The following TP53BP1 variants were observed in gnomAD, a reference collection of about 807,000 sequenced individuals.
The protein encoded by TP53BP1 is tumor protein p53 binding protein 1.
A neutral mutation model predicts 200.8 loss-of-function variants in TP53BP1; 61 were observed. The observed-to-expected ratio is 0.30, with a 90% CI of 0.25 to 0.38. The LOEUF (loss-of-function observed/expected upper bound fraction) is 0.38. TP53BP1 is among the 10% of genes least tolerant of loss of function. The pLI, the probability that TP53BP1 is intolerant of heterozygous loss-of-function variation, is 1.00. For missense variants in TP53BP1, 2,144 were observed against 2,371.9 expected (o/e 0.90, Z 2.00); for synonymous variants, 822 against 844.3 (o/e 0.97, Z 0.46).
At chr15:43,424,083 T>C (rs530829914) in intron 18 of TP53BP1, among the ~76,000 whole-genome samples, 1 of 152,338 alleles carries the variant, frequency 6.6e-6, no homozygotes, top group East Asian at 1.9e-4. Context: ...ATCTGTGATC[T>C]TCCCTCCATT....
At chr15:43,457,604 G>C (rs747280794) in intron 11 of TP53BP1, among the ~76,000 whole-genome samples, 1 of 147,614 alleles carries the variant, frequency 6.8e-6, no homozygotes, top group Non-Finnish European at 1.5e-5. Flanking sequence ...CCTTGGAGGC[G>C]GAGGTTGCAG....
At chr15:43,505,158 A>AT (rs1351932758) in intron 1 of TP53BP1, among the ~76,000 whole-genome samples, 11 of 152,246 alleles carry the variant, frequency 7.2e-5, no homozygotes, top group African/African-American at 2.7e-4. Context: ...AGTATTTGTG[A>AT]TTTTGTGATA....
At chr15:43,479,637 AT>A in intron 6 of TP53BP1, 111 bp from the exon 7 acceptor site, 1 of 1,263,708 alleles carries the variant, frequency 7.9e-7, no homozygotes. Flanking sequence ...CCAATTTAAA[AT>A]ATATACAGGC....
intron 23 of TP53BP1, chr15:43,413,997 C>T (rs1566915759): frequency 2.6e-6 from 1 of 387,032 alleles, no homozygotes; most frequent in African/African-American, 2.1e-5. Flanking sequence ...CCAGCCAGAA[C>T]ACCCATGCCA....
intron 1 of TP53BP1, among the ~76,000 whole-genome samples, chr15:43,500,707 A>G (rs893491488): frequency 7.9e-5 from 12 of 151,968 alleles, no homozygotes; most frequent in Admixed American, 3.3e-4. Context: ...TGTAGTCCCA[A>G]CTACTTGGGA....
intron 12 of TP53BP1, among the ~76,000 whole-genome samples, chr15:43,454,426 C>CA (rs1397746231): frequency 6.6e-6 from 1 of 150,724 alleles, no homozygotes; most frequent in Non-Finnish European, 1.5e-5. Flanking sequence ...TGCAATGGCG[C>CA]AATCTCAGCT....
intron 1 of TP53BP1, among the ~76,000 whole-genome samples, chr15:43,506,184 T>G (rs905160267): frequency 6.6e-5 from 10 of 152,194 alleles, no homozygotes; most frequent in Non-Finnish European, 1.3e-4. Context: ...TCTTCTCTCC[T>G]ATGAACACCT....
In TP53BP1 at chr15:43,413,338, G is replaced by T. The variant is rs548863062; in HGVS notation, c.5090-4C>A. ...AACTCTCCTGCCCCTACTGCACCTG[G>T]GAAGGACAGGGGCACAGTTACTAGA... On this transcript the variant is annotated splice_region_variant and splice_polypyrimidine_tract_variant and intron_variant, in intron 23 of 27. Transcript: ENST00000382044. The T allele has an allele frequency of 2.3e-4, 367 of 1,612,572 alleles. 4 individuals are homozygous for T. In the South Asian group the frequency reaches 3.9e-3, roughly 17 times the overall value.
intron 8 of TP53BP1, among the ~76,000 whole-genome samples, chr15:43,476,678 T>C (rs915234973): frequency 9.9e-5 from 15 of 152,244 alleles, no homozygotes; most frequent in African/African-American, 3.4e-4. Context: ...ACCCTCTGAA[T>C]GTCTTGCACA....
intron 11 of TP53BP1, among the ~76,000 whole-genome samples, chr15:43,467,641 AC>A (rs888044151): frequency 2.0e-5 from 3 of 151,064 alleles, no homozygotes; most frequent in African/African-American, 7.3e-5. Flanking sequence ...CATCATCTCC[AC>A]CCCCCCAACC....
At chr15:43,439,369 T>C (rs980959504) in intron 15 of TP53BP1, among the ~76,000 whole-genome samples, 2 of 152,064 alleles carry the variant, frequency 1.3e-5, no homozygotes, top group African/African-American at 4.8e-5. Context: ...CGAAACCCCA[T>C]CTCTACTAAA....
intron 1 of TP53BP1, among the ~76,000 whole-genome samples, chr15:43,509,881 A>G (rs1373900735): frequency 6.6e-6 from 1 of 151,970 alleles, no homozygotes; most frequent in Non-Finnish European, 1.5e-5. Context: ...AAAAACAAAA[A>G]AACAAGTGCT....
At chr15:43,424,837 T>C (rs1473972801) in intron 18 of TP53BP1, among the ~76,000 whole-genome samples, 2 of 152,222 alleles carry the variant, frequency 1.3e-5, no homozygotes, top group Non-Finnish European at 2.9e-5. Flanking sequence ...TGTTGAAATT[T>C]AATACCCAAT....
intron 15 of TP53BP1, among the ~76,000 whole-genome samples, chr15:43,439,569 A>C (rs188126993): frequency 1.3e-5 from 2 of 152,314 alleles, no homozygotes; most frequent in African/African-American, 4.8e-5. Context: ...ACCTAAATGC[A>C]GATGAACCAA....
chr15:43,494,707 T>A (rs892968903), upstream of TP53BP1, among the ~76,000 whole-genome samples: 3 of 152,212 alleles, frequency 2.0e-5, no homozygotes, highest in South Asian at 6.2e-4. Context: ...CAAAGTGAGT[T>A]CATCTGCTCT....
intron 14 of TP53BP1, among the ~76,000 whole-genome samples, chr15:43,442,019 T>C (rs551972773): frequency 6.6e-6 from 1 of 152,184 alleles, no homozygotes; most frequent in Non-Finnish European, 1.5e-5. Flanking sequence ...TTTTTGTTTG[T>C]TTGTTTTGAG....
chr15:43,479,488 T>C lies in TP53BP1; in HGVS notation c.697A>G (p.Ile233Val), dbSNP rs942821102. The change falls in exon 7 of 28, where the codon ATA becomes GTA. Residue 233 changes from isoleucine (I) to valine (V), a missense_variant. By Grantham distance (29) the Ile-to-Val change is conservative (BLOSUM62 3). Transcript: ENST00000382044. ...HEEQSNEDIPIAEQSSKDIPV... is the reference protein window; with the variant it reads ...HEEQSNEDIPVAEQSSKDIPV... ...ATGTCCTTGCTGGACTGTTCTGCTA[T>C]GGGGATATCTTCGTTGGACTGTTCT... The C allele has an allele frequency of 3.7e-6, 6 of 1,613,558 alleles. No homozygotes were observed. Among genetic ancestry groups the C allele is most frequent in the African/African-American group, 2.7e-5 (2 of 74,890 alleles).
chr15:43,405,210 T>C lies in TP53BP1; in HGVS notation c.*2173A>G. Reference sequence around the variant, plus strand: ...CTTTTTCTCTTTTGTAGTTTCGGGATGTGAAAATTTCTGGCTCATAAATTG... The same window carrying C: ...CTTTTTCTCTTTTGTAGTTTCGGGACGTGAAAATTTCTGGCTCATAAATTG... On this transcript the variant is annotated 3_prime_UTR_variant, in exon 28 of 28. Coordinates refer to ENST00000382044, the MANE Select transcript of TP53BP1 (RefSeq NM_001141980.3). The C allele has an allele frequency of 6.2e-7, 1 of 1,614,176 alleles. No homozygotes were observed. The highest frequency in any genetic ancestry group is 8.5e-7 in the Non-Finnish European group (1 of 1,180,010).
chr15:43,406,585 C>T lies in TP53BP1; in HGVS notation c.*798G>A, dbSNP rs761012073. 1.8e-5 allele frequency: 8 copies of T among 455,902 alleles called. No homozygotes were observed. The highest frequency in any genetic ancestry group is 6.9e-5 in the East Asian group (1 of 14,414). 28.2% of individuals were successfully genotyped at this position (455,902 alleles called of 1,614,324 possible). ...GCCCACAAAGCCTGAAATATTTACT[C>T]TTTGACCCTTTACAGAAAAAAACCT... On this transcript the variant is annotated 3_prime_UTR_variant, in exon 28 of 28. Transcript: ENST00000382044.
Sources: gnomAD v4.1 joint callset for allele counts (sites outside exome capture counted in the v4.1 genomes callset) on GRCh38, gnomAD v4.1.1 for gene constraint, MANE v1.5 for transcripts, NCBI Gene and HGNC (gene_info 2026-07-23, HGNC 2026-07-21) for gene names.